Variants in APOLD1 observed in about 807,000 individuals in gnomAD.
APOLD1 encodes apolipoprotein L domain containing 1, also known as apolipoprotein L domain-containing protein 1.
Under a neutral mutation model 15.3 loss-of-function variants are expected in APOLD1, and 22 were observed. The observed-to-expected ratio is 1.44, with a 90% CI of 1.03 to 2.05. The LOEUF (loss-of-function observed/expected upper bound fraction) is 2.05, where lower values mean the gene tolerates loss of function less well. APOLD1 is among the 30% of genes most tolerant of loss of function. The probability of loss-of-function intolerance (pLI) is 0.00; values close to 1 mark genes in which losing one functional copy is unlikely to be tolerated. For synonymous variants in APOLD1, 190 were observed against 167.4 expected, an observed-to-expected ratio of 1.13 and a Z score of -1.04; for missense variants, 394 against 353.5, an observed-to-expected ratio of 1.11 and a Z score of -0.92.
intron 1 of APOLD1, among the ~76,000 whole-genome samples, chr12:12,761,627 T>A (rs147811535): frequency 6.6e-6 from 1 of 152,088 alleles, no homozygotes; most frequent in Non-Finnish European, 1.5e-5. Flanking sequence ...AATATATAAT[T>A]CAGTTGAAAA....
chr12:12,751,078 C>T (rs1212355427), intron 1 of APOLD1, among the ~76,000 whole-genome samples: 2 of 151,988 alleles, frequency 1.3e-5, no homozygotes, highest in South Asian at 2.1e-4. Context: ...TGTGAGCCAC[C>T]ACGCCTGGCC....
At chr12:12,777,566 G>C (rs1361664106) in intron 1 of APOLD1, among the ~76,000 whole-genome samples, 1 of 152,110 alleles carries the variant, frequency 6.6e-6, no homozygotes, top group Non-Finnish European at 1.5e-5. Flanking sequence ...AATTTTGGCA[G>C]GATTTTAGAA....
chr12:12,764,835 A>G, intron 1 of APOLD1: 2 of 277,984 alleles, frequency 7.2e-6, no homozygotes, highest in Non-Finnish European at 1.6e-5. Context: ...TGGGGATAGA[A>G]TAAACTCTGC....
At chr12:12,736,243 C>T (rs774985662) in intron 1 of APOLD1, among the ~76,000 whole-genome samples, 1 of 151,876 alleles carries the variant, frequency 6.6e-6, no homozygotes, top group African/African-American at 2.4e-5. Context: ...CCCAGCTACT[C>T]GAGAGGCTGA....
At chr12:12,786,199 ATTAAT>A (rs1947122541) in intron 1 of APOLD1, among the ~76,000 whole-genome samples, 1 of 152,216 alleles carries the variant, frequency 6.6e-6, no homozygotes, top group Admixed American at 6.5e-5. Context: ...ACATAATGGT[ATTAAT>A]TTAATGTGAC....
chr12:12,775,361 G>A (rs4763875), intron 1 of APOLD1, among the ~76,000 whole-genome samples: 23,370 of 152,210 alleles, frequency 0.15, 2,052 homozygotes, highest in South Asian at 0.29. Flanking sequence ...GTATGAGACA[G>A]TAATGGTGGA....
At position 12,777,144 on chromosome 12, in the gene APOLD1, G is replaced by A. The variant is rs554568410; in HGVS notation, c.97-9765G>A. On this transcript the variant is annotated intron_variant, in intron 1 of 1. Transcript: ENST00000326765. Reference sequence around the variant, plus strand: ...ATTTCCTAGTGTGAAACTTCTCCCTGAGTATATATGTAATGTGGGTGGGAA... The same window carrying A: ...ATTTCCTAGTGTGAAACTTCTCCCTAAGTATATATGTAATGTGGGTGGGAA... Among the ~76,000 whole-genome samples the A allele has an allele frequency of 3.3e-5, 5 of 152,228 alleles. No homozygotes were observed. In the East Asian group the frequency reaches 9.6e-4, roughly 29 times the overall value.
At chr12:12,736,200 A>C (rs183882427) in intron 1 of APOLD1, among the ~76,000 whole-genome samples, 2 of 152,008 alleles carry the variant, frequency 1.3e-5, no homozygotes, top group African/African-American at 4.8e-5. Flanking sequence ...AAATACAAAA[A>C]ATTAGGTGAG....
At chr12:12,765,348 C>T (rs1003919561) in intron 1 of APOLD1, among the ~76,000 whole-genome samples, 10 of 152,212 alleles carry the variant, frequency 6.6e-5, no homozygotes, top group East Asian at 1.9e-4. Context: ...TCACCACACC[C>T]GGCTCAATAT....
rs368237451 is a variant in APOLD1, at chr12:12,750,318, A to G, written c.96+24222A>G. 1.3e-3 allele frequency among the ~76,000 whole-genome samples: 191 copies of G among 149,350 alleles called. 3 individuals carry two copies. Among genetic ancestry groups the G allele is most frequent in the South Asian group, 0.012 (56 of 4,678 alleles). ...ACCCGGGAGACGGAGGTTGCAGTGA[A>G]CCAAGATCGGGCCATTGCATTTCAG... On this transcript the variant is annotated intron_variant, in intron 1 of 1. Transcript: ENST00000326765.
intron 1 of APOLD1, among the ~76,000 whole-genome samples, chr12:12,756,911 A>G (rs532645713): frequency 6.6e-6 from 1 of 152,024 alleles, no homozygotes; most frequent in South Asian, 2.1e-4. Context: ...CTCTGTCTCC[A>G]GAGTAGCTGG....
Position 12,787,460 on chromosome 12 carries a change from GGGGGACACCAA to G in APOLD1, c.558_568del (p.Asp187Ter). The G allele has an allele frequency of 6.2e-7, 1 of 1,614,190 alleles. No homozygotes were observed. Among genetic ancestry groups the G allele is most frequent in the East Asian group, 2.2e-5 (1 of 44,888 alleles). On this transcript the variant is annotated frameshift_variant, in exon 2 of 2. Transcript: ENST00000356591. LOFTEE classifies it high-confidence loss of function. The surrounding 1 kb of genome is among the most constrained non-coding windows in gnomAD (Gnocchi z 4.9). ...GCTTCCTCATCCCCAGGCGGGCGGA[GGGGGACACCAA>G]GGTTAGCCAGGCCGTGCTGAAGGCC... is the stretch of plus-strand genomic sequence containing the variant.
At chr12:12,734,311 C>CA (rs1237100577) in intron 1 of APOLD1, among the ~76,000 whole-genome samples, 2 of 152,210 alleles carry the variant, frequency 1.3e-5, no homozygotes, top group Non-Finnish European at 2.9e-5. Context: ...TTCACCAGAT[C>CA]AACTCCCTGC....
chr12:12,784,281 T>C (rs1947107816), upstream of APOLD1, among the ~76,000 whole-genome samples: 1 of 152,136 alleles, frequency 6.6e-6, no homozygotes, highest in Non-Finnish European at 1.5e-5. Context: ...GAAGAATCAG[T>C]GGTATGTTCC....
chr12:12,765,647 G>T (rs1946938068), intron 1 of APOLD1, among the ~76,000 whole-genome samples: 1 of 152,152 alleles, frequency 6.6e-6, no homozygotes, highest in Admixed American at 6.5e-5. Flanking sequence ...AAGGTGGGAG[G>T]ATTGCTTGAG....
chr12:12,737,097 T>G (rs1946693190), intron 1 of APOLD1, among the ~76,000 whole-genome samples: 1 of 152,238 alleles, frequency 6.6e-6, no homozygotes, highest in African/African-American at 2.4e-5. Flanking sequence ...TAGCTCAGCA[T>G]TTTTGTCTTT....
At chr12:12,730,395 T>C (rs1331273405) in intron 1 of APOLD1, among the ~76,000 whole-genome samples, 2 of 152,076 alleles carry the variant, frequency 1.3e-5, no homozygotes, top group Non-Finnish European at 2.9e-5. Flanking sequence ...AAAGATTTTA[T>C]TTCGGCCAGG....
intron 1 of APOLD1, among the ~76,000 whole-genome samples, chr12:12,776,371 G>A (rs1227923644): frequency 6.6e-6 from 1 of 152,178 alleles, no homozygotes; most frequent in East Asian, 1.9e-4. Context: ...TAATGACTAA[G>A]CCTGAGAAAG....
intron 1 of APOLD1, among the ~76,000 whole-genome samples, chr12:12,728,321 A>G (rs866134172): frequency 3.3e-5 from 5 of 152,232 alleles, no homozygotes; most frequent in Middle Eastern, 3.4e-3. Context: ...TAGTATAGAT[A>G]TGTCTGATGA....
Sources: gnomAD v4.1 joint callset for allele counts (sites outside exome capture counted in the v4.1 genomes callset) on GRCh38, gnomAD v4.1.1 for gene constraint, Gnocchi (gnomAD v3.1) non-coding constraint, MANE v1.5 for transcripts, NCBI Gene and HGNC (gene_info 2026-07-23, HGNC 2026-07-21) for gene names.